Variants in THRB observed in about 807,000 individuals in gnomAD.
THRB encodes thyroid hormone receptor beta, also known as nuclear receptor subfamily 1 group A member 2.
Under a neutral mutation model 47.8 loss-of-function variants are expected in THRB, and 12 were observed. The ratio of observed to expected loss-of-function variants is 0.25; its 90% CI spans 0.16 to 0.41. The LOEUF (loss-of-function observed/expected upper bound fraction) is 0.41. Ranked by LOEUF, THRB falls within the 10% of genes least tolerant of loss-of-function variation. The pLI, the probability that THRB is intolerant of heterozygous loss-of-function variation, is 1.00. For synonymous variants in THRB, 218 were observed against 212.2 expected (o/e 1.03, Z -0.24); for missense variants, 348 against 589.2 (o/e 0.59, Z 4.24).
chr3:24,266,523 T>C (rs545928293), intron 3 of THRB, among the ~76,000 whole-genome samples: 6 of 152,220 alleles, frequency 3.9e-5, no homozygotes, highest in Admixed American at 1.3e-4. Flanking sequence ...TGTACAGTCA[T>C]GAAACCTTGG....
chr3:24,288,368 A>C (rs1044754404), intron 3 of THRB, among the ~76,000 whole-genome samples: 3 of 152,242 alleles, frequency 2.0e-5, no homozygotes, highest in Non-Finnish European at 4.4e-5. Context: ...CATACTACCT[A>C]GAAAATAGGC....
chr3:24,341,008 T>C (rs1034154045), intron 1 of THRB, among the ~76,000 whole-genome samples: 3 of 152,108 alleles, frequency 2.0e-5, no homozygotes, highest in African/African-American at 7.2e-5. Context: ...GATTTGCCCA[T>C]GGTTTTCTGC....
At chr3:24,282,097 T>C (rs1260041161) in intron 3 of THRB, among the ~76,000 whole-genome samples, 1 of 125,334 alleles carries the variant, frequency 8.0e-6, no homozygotes, top group Non-Finnish European at 1.6e-5. Flanking sequence ...AATAGACATC[T>C]ACAGAACTCT....
At chr3:24,287,143 A>G (rs2055391486) in intron 3 of THRB, among the ~76,000 whole-genome samples, 1 of 152,272 alleles carries the variant, frequency 6.6e-6, no homozygotes, top group African/African-American at 2.4e-5. Context: ...TTCTACATAG[A>G]TATCTTACAC....
At chr3:24,313,245 C>T (rs374929499) in intron 2 of THRB, among the ~76,000 whole-genome samples, 2 of 152,124 alleles carry the variant, frequency 1.3e-5, no homozygotes, top group African/African-American at 2.4e-5. Context: ...CTCAACCACT[C>T]GGGAAATCAT....
intron 5 of THRB, among the ~76,000 whole-genome samples, chr3:24,153,642 G>A (rs1177754984): frequency 1.3e-5 from 2 of 152,122 alleles, no homozygotes; most frequent in African/African-American, 4.8e-5. Flanking sequence ...GCTTCCTGTG[G>A]AGAGGATGCC....
intron 5 of THRB, among the ~76,000 whole-genome samples, chr3:24,174,304 C>G (rs900715120): frequency 6.6e-6 from 1 of 152,186 alleles, no homozygotes; most frequent in African/African-American, 2.4e-5. Flanking sequence ...TTCGTTACAG[C>G]TTGCTTATCT....
At chr3:24,189,939 T>G (rs2043116755) in intron 5 of THRB, 135 bp downstream of exon 5, 2 of 827,020 alleles carry the variant, frequency 2.4e-6, no homozygotes. Context: ...AAAGGACGCC[T>G]AGTAAAAGAA....
chr3:24,348,342 T>C (rs1421085373), intron 1 of THRB, among the ~76,000 whole-genome samples: 15 of 152,146 alleles, frequency 9.9e-5, no homozygotes, highest in Admixed American at 9.8e-4. Flanking sequence ...GAACACGCCC[T>C]GCCCCAGTGA....
At chr3:24,406,057 T>C (rs1215947125) in intron 1 of THRB, among the ~76,000 whole-genome samples, 3 of 151,704 alleles carry the variant, frequency 2.0e-5, no homozygotes, top group Non-Finnish European at 1.5e-5. Flanking sequence ...AAGTAGATAC[T>C]ATATTAAATG....
In THRB at chr3:24,146,684, C is replaced by T; in HGVS notation, c.523G>A (p.Ala175Thr). 1 of 1,614,050 alleles carries T rather than the reference C, an allele frequency of 6.2e-7. No individual in the cohort carries two copies. Among genetic ancestry groups the T allele is most frequent in the South Asian group, 1.1e-5 (1 of 91,080 alleles). ...RFKKCIYVGM[A>T]TDLVLDDSKR... is the part of the protein sequence containing the mutation. ...GTGAAGATCTACTTACAATCTGTTGCCATGCCAACATAGATGCATTTCTTA... is the reference window on the plus strand; with the variant it reads ...GTGAAGATCTACTTACAATCTGTTGTCATGCCAACATAGATGCATTTCTTA... The change falls in exon 7 of 11, where the codon GCA becomes ACA. Residue 175 changes from alanine (A) to threonine (T), a missense_variant. Physicochemically the swap from Ala to Thr is moderately conservative, Grantham distance 58 (BLOSUM62 0). This residue lies in a region of THRB where 112 missense variants were observed against 212.3 expected (regional missense o/e 0.53). Coordinates refer to ENST00000646209, the MANE Select transcript of THRB (RefSeq NM_001354712.2).
At chr3:24,377,960 C>T (rs2065416938) in intron 1 of THRB, among the ~76,000 whole-genome samples, 1 of 152,138 alleles carries the variant, frequency 6.6e-6, no homozygotes, top group Non-Finnish European at 1.5e-5. Flanking sequence ...TACAGGAATC[C>T]AGTGGCAAAG....
In THRB at chr3:24,230,270, T is replaced by G. The variant is rs548629945; in HGVS notation, c.-42-1269A>C. On this transcript the variant is annotated intron_variant, in intron 3 of 10. Transcript: ENST00000646209. ...AATTACATGTTTACACGGCTGCCTT[T>G]CCCACCACACTGTAATCTCTTTATG... Among the ~76,000 whole-genome samples, 7 of 152,348 alleles carry G rather than the reference T, an allele frequency of 4.6e-5. 1 individual carries two copies. In the South Asian group the frequency reaches 1.4e-3, roughly 32 times the overall value.
intron 1 of THRB, among the ~76,000 whole-genome samples, chr3:24,358,366 C>T (rs2063830813): frequency 6.6e-6 from 1 of 151,874 alleles, no homozygotes; most frequent in South Asian, 2.1e-4. Flanking sequence ...TTAGGCACTC[C>T]AGAGTTATTT....
At position 24,122,651 on chromosome 3, in the gene THRB, C is replaced by A; in HGVS notation, c.*233G>T. The A allele has an allele frequency of 3.5e-6, 2 of 575,324 alleles. No individual in the cohort carries two copies. Among genetic ancestry groups the A allele is most frequent in the South Asian group, 2.0e-5 (1 of 50,192 alleles). The allele number at this position is 575,324 out of a possible 1,614,324, so 35.6% of individuals were successfully genotyped here. A position where few individuals can be genotyped will look rare whatever the true frequency, so the allele number is the denominator to read the frequency against. On this transcript the variant is annotated 3_prime_UTR_variant, in exon 11 of 11. Transcript: ENST00000646209. ...ATGATTGTCCCCCACCCCACCTCCA[C>A]AACCATAAAACCTTCAGAGCATTCA...
At chr3:24,255,928 T>C (rs144985446) in intron 3 of THRB, among the ~76,000 whole-genome samples, 1 of 152,332 alleles carries the variant, frequency 6.6e-6, no homozygotes, top group African/African-American at 2.4e-5. Flanking sequence ...GAAGCCTTCA[T>C]TGTCATATAG....
At chr3:24,336,051 G>A (rs1180394545) in intron 2 of THRB, among the ~76,000 whole-genome samples, 1 of 152,212 alleles carries the variant, frequency 6.6e-6, no homozygotes, top group African/African-American at 2.4e-5. Flanking sequence ...AAAGGAGAGG[G>A]CTATTTGTAA....
intron 3 of THRB, among the ~76,000 whole-genome samples, chr3:24,285,234 A>G (rs887755361): frequency 1.3e-5 from 2 of 151,830 alleles, no homozygotes; most frequent in African/African-American, 2.4e-5. Context: ...CATATACACC[A>G]TGGAATACTA....
At chr3:24,264,474 G>C (rs958006684) in intron 3 of THRB, among the ~76,000 whole-genome samples, 8 of 152,088 alleles carry the variant, frequency 5.3e-5, no homozygotes, top group African/African-American at 1.9e-4. Context: ...ACTTGGAAAA[G>C]CTTTCTTTAT....
Sources: gnomAD v4.1 joint callset for allele counts (sites outside exome capture counted in the v4.1 genomes callset) on GRCh38, gnomAD v4.1.1 for gene constraint, gnomAD v4.1.1 regional missense constraint, MANE v1.5 for transcripts, NCBI Gene and HGNC (gene_info 2026-07-23, HGNC 2026-07-21) for gene names.